PLXND1: variants seen among roughly 807,000 people sequenced by gnomAD.
The protein encoded by PLXND1 is plexin-D1.
A neutral mutation model predicts 197.7 loss-of-function variants in PLXND1; 54 were observed. That is an observed-to-expected ratio of 0.27 (90% CI 0.22 to 0.34). The LOEUF (loss-of-function observed/expected upper bound fraction) is 0.34, where lower values mean the gene tolerates loss of function less well. PLXND1 is among the 10% of genes least tolerant of loss of function. The pLI is 1.00. For missense variants in PLXND1, 2,127 were observed against 2,699.2 expected, an observed-to-expected ratio of 0.79 and a Z score of 4.70; for synonymous variants, 1,180 against 1,161.2, an observed-to-expected ratio of 1.02 and a Z score of -0.33.
At chr3:129,582,595 C>G (rs1489769486) in intron 8 of PLXND1, among the ~76,000 whole-genome samples, 2 of 152,204 alleles carry the variant, frequency 1.3e-5, no homozygotes, top group Non-Finnish European at 1.5e-5. Flanking sequence ...TCCCACCTGG[C>G]TAGGCCTTAT....
chr3:129,601,564 C>A (rs2085709118), intron 1 of PLXND1, among the ~76,000 whole-genome samples: 1 of 152,214 alleles, frequency 6.6e-6, no homozygotes, highest in Non-Finnish European at 1.5e-5. Flanking sequence ...TGCAGCCCCA[C>A]CCAGGCCACC....
rs2085788085 is a variant in PLXND1, at chr3:129,606,035, G to T, written c.605C>A (p.Ala202Glu). The T allele has an allele frequency of 1.9e-6, 3 of 1,595,768 alleles. No homozygotes were observed. In the East Asian group the frequency reaches 6.8e-5, roughly 36 times the overall value. Residue 202 changes from alanine (A) to glutamate (E), a missense_variant, in exon 1 of 36, where the codon GCG becomes GAG. Physicochemically the swap from Ala to Glu is moderately radical, Grantham distance 107. This residue lies in a region of PLXND1 where 1,095 missense variants were observed against 1,259.8 expected (regional missense o/e 0.87). Coordinates refer to ENST00000324093, the MANE Select transcript of PLXND1 (RefSeq NM_015103.3). ...GCCCACGAGCAGGCGGCTGCCCCCC[G>T]CGCCCGCGGCGGGAGGCAGAACTAG... ...VGLVLPPAAG[A>E]GGSRLLVGAT...
At chr3:129,556,745 A>C in intron 34 of PLXND1, 54 bp from the exon 35 acceptor site, 1 of 1,328,854 alleles carries the variant, frequency 7.5e-7, no homozygotes, top group Non-Finnish European at 1.1e-6. Context: ...AGCTGAGCCT[A>C]GTCCCAGCAA....
chr3:129,569,978 G>A lies in PLXND1; in HGVS notation c.3751-21C>T, dbSNP rs752881825. ...TGGATCTGTGCAGAGGTTGGGGAAG[G>A]GGGTTGTAGCTTTCCTGGACTTATA... On this transcript the variant is annotated intron_variant, in intron 19 of 35. Coordinates refer to ENST00000324093, the MANE Select transcript of PLXND1 (RefSeq NM_015103.3). 13 of 1,415,988 alleles carry A rather than the reference G, an allele frequency of 9.2e-6. No individual in the cohort carries two copies. The East Asian group carries it at 1.8e-4, about 20-fold the overall frequency. The allele number at this position is 1,415,988 out of a possible 1,614,324, so 87.7% of individuals were successfully genotyped here.
chr3:129,558,311 G>A lies in PLXND1; in HGVS notation c.5445+117C>T. ...CATCCCCTAGACCTGAGATCTTTTG[G>A]TTCCCCTCCCAGGAAGATCTCTGAG... On this transcript the variant is annotated intron_variant, in intron 33 of 35. Coordinates refer to ENST00000324093, the MANE Select transcript of PLXND1 (RefSeq NM_015103.3). The surrounding 1 kb of genome is among the most constrained non-coding windows in gnomAD (Gnocchi z 4.1). The A allele has an allele frequency of 9.9e-7, 1 of 1,008,068 alleles. No homozygotes were observed. The highest frequency in any genetic ancestry group is 1.6e-5 in the South Asian group (1 of 64,002). The allele number at this position is 1,008,068 out of a possible 1,614,324, so 62.4% of individuals were successfully genotyped here.
At chr3:129,600,681 C>T (rs1212776776) in intron 1 of PLXND1, among the ~76,000 whole-genome samples, 1 of 151,590 alleles carries the variant, frequency 6.6e-6, no homozygotes, top group Admixed American at 6.6e-5. Flanking sequence ...CTCCTAGAAC[C>T]CCCTCTCCTA....
At position 129,557,688 on chromosome 3, in the gene PLXND1, C is replaced by T. The variant is rs762874029; in HGVS notation, c.5446-465G>A. On this transcript the variant is annotated intron_variant, in intron 33 of 35. Transcript: ENST00000324093. This position sits in a 1 kb window ranked among gnomAD's most constrained non-coding sequence, Gnocchi z 4.8. ...AACACTCCCAGTTCTTTGTCAGTCA[C>T]GGGCACCCTGCCTTCGGAGGCAGTA... Among the ~76,000 whole-genome samples the T allele has an allele frequency of 3.9e-5, 6 of 152,212 alleles. No individual in the cohort carries two copies. The highest frequency in any genetic ancestry group is 8.8e-5 in the Non-Finnish European group (6 of 68,038).
Position 129,575,626 on chromosome 3 carries a change from G to A in PLXND1, c.2437-64C>T. ...ATGCCTGGGGCTCTGCTGGGGATGG[G>A]TGTCATGGAGGCAGATGAAGTTGGG... On this transcript the variant is annotated intron_variant, in intron 10 of 35. Transcript: ENST00000324093. 3.8e-6 allele frequency: 5 copies of A among 1,320,188 alleles called. No homozygotes were observed. The East Asian group carries it at 7.5e-5, about 20-fold the overall frequency. The allele number at this position is 1,320,188 out of a possible 1,614,324, so 81.8% of individuals were successfully genotyped here. A position where few individuals can be genotyped will look rare whatever the true frequency, so the allele number is the denominator to read the frequency against.
chr3:129,592,624 C>CA (rs2085561269), intron 1 of PLXND1, among the ~76,000 whole-genome samples: 1 of 152,152 alleles, frequency 6.6e-6, no homozygotes, highest in South Asian at 2.1e-4. Flanking sequence ...CCCCCTCCCC[C>CA]ACCCCGCGCT....
At chr3:129,593,969 A>G (rs749701462) in intron 1 of PLXND1, among the ~76,000 whole-genome samples, 2 of 152,086 alleles carry the variant, frequency 1.3e-5, no homozygotes, top group African/African-American at 2.4e-5. Context: ...TGATTTTACT[A>G]CCAGCTGTAA....
chr3:129,572,724 G>T lies in PLXND1; in HGVS notation c.2962C>A (p.Pro988Thr). 6.3e-7 allele frequency: 1 copy of T among 1,599,274 alleles called. No individual in the cohort carries two copies. The change falls in exon 15 of 36, where the codon CCT (proline) becomes ACT (threonine). Residue 988 changes from proline to threonine, a missense_variant. Physicochemically the swap from Pro to Thr is conservative, Grantham distance 38. This residue lies in a region of PLXND1 where 1,095 missense variants were observed against 1,259.8 expected (regional missense o/e 0.87). Coordinates refer to ENST00000324093, the MANE Select transcript of PLXND1 (RefSeq NM_015103.3). ...CCCCCGGCCTTGGGGCCCATGGTAG[G>T]CTCCAGGGAGTGGACCAGGGGCAGC... ...YVLPLVHSLEPTMGPKAGGTR... is the reference protein window; with the variant it reads ...YVLPLVHSLETTMGPKAGGTR...
chr3:129,605,305 G>T, intron 1 of PLXND1, 24 bp downstream of exon 1: 3 of 1,134,954 alleles, frequency 2.6e-6, no homozygotes, highest in Non-Finnish European at 3.3e-6. Flanking sequence ...CGCCGCCGCC[G>T]CCGCCGCCAC....
intron 7 of PLXND1, 78 bp from the exon 8 acceptor site, chr3:129,583,747 AG>A: frequency 3.2e-6 from 3 of 932,328 alleles, no homozygotes; most frequent in Middle Eastern, 3.2e-4. Flanking sequence ...AGAACCCAAA[AG>A]GCAGATCCCA....
intron 8 of PLXND1, among the ~76,000 whole-genome samples, chr3:129,579,442 G>C (rs2085357927): frequency 6.6e-6 from 1 of 152,182 alleles, no homozygotes; most frequent in Non-Finnish European, 1.5e-5. Context: ...GCCTGGGGGA[G>C]GGGCAGAGAC....
chr3:129,600,184 C>G (rs895685905), intron 1 of PLXND1, among the ~76,000 whole-genome samples: 3 of 152,176 alleles, frequency 2.0e-5, no homozygotes, highest in African/African-American at 7.2e-5. Context: ...CAGCACCCAA[C>G]ACACCCTTGC....
At chr3:129,575,653 C>T in intron 10 of PLXND1, 91 bp from the exon 11 acceptor site, 1 of 1,242,916 alleles carries the variant, frequency 8.0e-7, no homozygotes, top group South Asian at 1.3e-5. Flanking sequence ...GAAGTTGGGG[C>T]TGCTGGGGAT....
intron 5 of PLXND1, 108 bp from the exon 6 acceptor site, chr3:129,584,670 G>A: frequency 9.3e-7 from 1 of 1,078,432 alleles, no homozygotes; most frequent in Non-Finnish European, 1.3e-6. Context: ...TGTCCCCTGG[G>A]GGAAGGGGTA....
Position 129,577,197 on chromosome 3 carries a change from T to C in PLXND1, c.2346+1132A>G, listed in dbSNP as rs1490058484. ...CGGCCCGTCCCAGAGCTCCCCAGGG[T>C]GTAGGCTCAGCAAACAGGCCCCCAC... On this transcript the variant is annotated intron_variant, in intron 9 of 35. Transcript: ENST00000324093. This position sits in a 1 kb window ranked among gnomAD's most constrained non-coding sequence, Gnocchi z 5.0. Among the ~76,000 whole-genome samples the C allele has an allele frequency of 6.6e-6, 1 of 152,016 alleles. No individual in the cohort carries two copies. The highest frequency in any genetic ancestry group is 1.5e-5 in the Non-Finnish European group (1 of 67,976).
chr3:129,560,748 T>C (rs761918570), intron 29 of PLXND1, 25 bp from the exon 30 acceptor site: 5 of 1,433,578 alleles, frequency 3.5e-6, no homozygotes, highest in Admixed American at 1.7e-5. Flanking sequence ...ACACAATAAA[T>C]AAACACGGGA....
Sources: allele counts gnomAD v4.1 joint callset (sites outside exome capture counted in the v4.1 genomes callset), GRCh38; gene constraint gnomAD v4.1.1; regional missense constraint gnomAD v4.1.1; non-coding constraint Gnocchi (gnomAD v3.1); transcripts MANE v1.5; gene names NCBI Gene and HGNC (gene_info 2026-07-23, HGNC 2026-07-21).